The following EFNA5 variants were observed in gnomAD, a reference collection of about 807,000 sequenced individuals.
EFNA5 encodes the protein ephrin-A5.
Under a neutral mutation model 22.9 loss-of-function variants are expected in EFNA5, and 5 were observed. The ratio of observed to expected loss-of-function variants is 0.22; its 90% CI spans 0.11 to 0.46. EFNA5 has a LOEUF of 0.46. Ranked by LOEUF, EFNA5 falls within the 20% of genes least tolerant of loss-of-function variation. The pLI is 0.99. For missense variants in EFNA5, 237 were observed against 293.3 expected, an observed-to-expected ratio of 0.81 and a Z score of 1.40; for synonymous variants, 113 against 112.2, an observed-to-expected ratio of 1.01 and a Z score of -0.04.
intron 1 of EFNA5, among the ~76,000 whole-genome samples, chr5:107,482,320 A>AAT (rs1750491577): frequency 6.6e-6 from 1 of 151,854 alleles, no homozygotes; most frequent in Non-Finnish European, 1.5e-5. Flanking sequence ...AAAAAAAAAA[A>AAT]AATGCTATTT....
chr5:107,427,489 T>C lies in EFNA5; in HGVS notation c.146A>G (p.His49Arg), dbSNP rs778068750. The change falls in exon 2 of 5, where the codon CAT becomes CGT. Residue 49 changes from histidine (H) to arginine (R), a missense_variant. Physicochemically the swap from His to Arg is conservative, Grantham distance 29. Coordinates refer to ENST00000333274, the MANE Select transcript of EFNA5 (RefSeq NM_001962.3). ...SNPRFQRGDY[H>R]IDVCINDYLD... The stretch of plus-strand genomic sequence containing the variant: ...GTAGTCATTGATACAGACATCAATA[T>C]GGTAGTCACCCCTCTGGAATCTGTT... 8 of 1,610,320 alleles carry C rather than the reference T, an allele frequency of 5.0e-6. No individual in the cohort carries two copies. The highest frequency in any genetic ancestry group is 1.1e-5 in the South Asian group (1 of 90,340).
intron 2 of EFNA5, among the ~76,000 whole-genome samples, chr5:107,398,264 C>G (rs1188366489): frequency 6.6e-6 from 1 of 152,210 alleles, no homozygotes; most frequent in Non-Finnish European, 1.5e-5. Flanking sequence ...CTCAAAATCC[C>G]TACTTCCTCT....
chr5:107,435,985 C>T (rs1749100262), intron 1 of EFNA5, among the ~76,000 whole-genome samples: 1 of 152,198 alleles, frequency 6.6e-6, no homozygotes, highest in Admixed American at 6.5e-5. Context: ...TACCCTGTCA[C>T]TTTTTTTCTT....
intron 1 of EFNA5, among the ~76,000 whole-genome samples, chr5:107,646,944 G>C (rs972882099): frequency 6.6e-6 from 1 of 152,014 alleles, no homozygotes; most frequent in Admixed American, 6.6e-5. Flanking sequence ...CACTGAAATT[G>C]AGACTTTTGA....
chr5:107,497,450 G>A (rs12520677), intron 1 of EFNA5, among the ~76,000 whole-genome samples: 31,375 of 152,156 alleles, frequency 0.21, 3,274 homozygotes, highest in Middle Eastern at 0.28. Flanking sequence ...TGCCTAAGAC[G>A]TAAAGGCTGG....
At chr5:107,435,391 G>A (rs1749084643) in intron 1 of EFNA5, among the ~76,000 whole-genome samples, 1 of 143,268 alleles carries the variant, frequency 7.0e-6, no homozygotes, top group Admixed American at 7.4e-5. Flanking sequence ...AAACAGGGTA[G>A]ATAAATAATA....
intron 1 of EFNA5, among the ~76,000 whole-genome samples, chr5:107,642,934 GA>G (rs34467356): frequency 0.51 from 67,943 of 133,696 alleles, 16,149 homozygotes; most frequent in South Asian, 0.58. Context: ...TTCCTCACCT[GA>G]AAAAAAAAAA....
intron 1 of EFNA5, among the ~76,000 whole-genome samples, chr5:107,629,659 A>T (rs1750205803): frequency 1.3e-5 from 2 of 152,212 alleles, no homozygotes; most frequent in South Asian, 4.1e-4. Flanking sequence ...GCAAATCTAA[A>T]AATGCTCATA....
intron 1 of EFNA5, among the ~76,000 whole-genome samples, chr5:107,529,476 G>A (rs584409): frequency 0.039 from 5,870 of 152,142 alleles, 384 homozygotes; most frequent in African/African-American, 0.13. Context: ...GGCTTTCCCA[G>A]AAGCTGCCTG....
chr5:107,478,466 C>T (rs771086006), intron 1 of EFNA5, among the ~76,000 whole-genome samples: 1 of 152,114 alleles, frequency 6.6e-6, no homozygotes, highest in African/African-American at 2.4e-5. Flanking sequence ...ACACAGATGT[C>T]GGGAGAGCAC....
At chr5:107,575,301 A>G (rs1748904675) in intron 1 of EFNA5, among the ~76,000 whole-genome samples, 2 of 152,152 alleles carry the variant, frequency 1.3e-5, no homozygotes, top group African/African-American at 4.8e-5. Context: ...ACTTTTAAGG[A>G]TCTTCAGGTG....
At chr5:107,498,451 C>T (rs1473116854) in intron 1 of EFNA5, among the ~76,000 whole-genome samples, 1 of 152,178 alleles carries the variant, frequency 6.6e-6, no homozygotes, top group Admixed American at 6.5e-5. Context: ...CTTCCATAAT[C>T]CACTTACTTT....
At chr5:107,669,218 C>T (rs1247228684) in intron 1 of EFNA5, among the ~76,000 whole-genome samples, 1 of 151,460 alleles carries the variant, frequency 6.6e-6, no homozygotes, top group Non-Finnish European at 1.5e-5. Context: ...ACTGGAGGCG[C>T]CCACCGATAC....
At chr5:107,527,000 T>C (rs1404971319) in intron 1 of EFNA5, among the ~76,000 whole-genome samples, 1 of 152,206 alleles carries the variant, frequency 6.6e-6, no homozygotes, top group Non-Finnish European at 1.5e-5. Flanking sequence ...CCAACCATAT[T>C]AGCCACAAAA....
chr5:107,585,242 G>C (rs1749159322), intron 1 of EFNA5, among the ~76,000 whole-genome samples: 1 of 152,150 alleles, frequency 6.6e-6, no homozygotes, highest in African/African-American at 2.4e-5. Flanking sequence ...AAGAGTTACT[G>C]GATGGAAATT....
intron 1 of EFNA5, among the ~76,000 whole-genome samples, chr5:107,579,790 C>T (rs1262221923): frequency 6.6e-6 from 1 of 152,190 alleles, no homozygotes; most frequent in Non-Finnish European, 1.5e-5. Flanking sequence ...ATATGCCCCA[C>T]CTTGCTGCAC....
chr5:107,499,018 T>G (rs1296708185), intron 1 of EFNA5, among the ~76,000 whole-genome samples: 1 of 146,944 alleles, frequency 6.8e-6, no homozygotes, highest in African/African-American at 2.5e-5. Flanking sequence ...AGTCTTTGAT[T>G]TCTTTTACTG....
chr5:107,555,703 T>C (rs1748396295), intron 1 of EFNA5, among the ~76,000 whole-genome samples: 2 of 152,224 alleles, frequency 1.3e-5, no homozygotes, highest in East Asian at 1.9e-4. Context: ...GCTAATCTGA[T>C]TTTGCTACAA....
At chr5:107,512,994 G>C (rs887220410) in intron 1 of EFNA5, among the ~76,000 whole-genome samples, 1 of 152,192 alleles carries the variant, frequency 6.6e-6, no homozygotes, top group African/African-American at 2.4e-5. Flanking sequence ...TTAGTAGAAA[G>C]AGGCTCTGCC....
Sources: gnomAD v4.1 joint callset for allele counts (sites outside exome capture counted in the v4.1 genomes callset) on GRCh38, gnomAD v4.1.1 for gene constraint, MANE v1.5 for transcripts, NCBI Gene and HGNC (gene_info 2026-07-23, HGNC 2026-07-21) for gene names.